DMD: variants seen among roughly 807,000 people sequenced by gnomAD.
DMD encodes the protein mutant dystrophin.
DMD carries 63 observed loss-of-function variants against 330.1 expected under a neutral mutation model. The ratio of observed to expected loss-of-function variants is 0.19; its 90% CI spans 0.16 to 0.24. DMD has a LOEUF of 0.24. Among genes scored for constraint, DMD ranks in the 10% least tolerant of loss-of-function variants. The pLI is 1.00. For synonymous variants in DMD, 1,223 were observed against 959.8 expected (o/e 1.27, Z -5.07); for missense variants, 3,344 against 2,684.1 (o/e 1.25, Z -5.43).
intron 17 of DMD, among the ~76,000 whole-genome samples, chrX:32,525,248 T>C (rs763811577): frequency 8.9e-6 from 1 of 112,152 alleles, no homozygotes; most frequent in African/African-American, 3.2e-5. Context: ...ACACATAATG[T>C]GCAGTCAGCC....
At chrX:31,846,470 C>CAA (rs1353347001) in intron 48 of DMD, among the ~76,000 whole-genome samples, 1 of 103,370 alleles carries the variant, frequency 9.7e-6, no homozygotes, top group Admixed American at 1.0e-4. Flanking sequence ...CACACACACA[C>CAA]AATCTTTAAG....
At chrX:31,878,109 G>A (rs1289010883) in intron 47 of DMD, among the ~76,000 whole-genome samples, 2 of 111,575 alleles carry the variant, frequency 1.8e-5, no homozygotes, top group Admixed American at 1.9e-4. Flanking sequence ...TTGTAATAGA[G>A]GTAAAACAAT....
At chrX:32,388,637 T>A (rs2097977866) in intron 32 of DMD, among the ~76,000 whole-genome samples, 1 of 110,920 alleles carries the variant, frequency 9.0e-6, no homozygotes, top group African/African-American at 3.3e-5. Context: ...TGAAGGACTC[T>A]GTTTTTCATT....
chrX:32,633,718 G>A (rs2058901103), intron 11 of DMD, among the ~76,000 whole-genome samples: 1 of 111,826 alleles, frequency 8.9e-6, no homozygotes, highest in Admixed American at 9.5e-5. Flanking sequence ...GCTGGCATCT[G>A]CTCAGCTGCT....
intron 17 of DMD, among the ~76,000 whole-genome samples, chrX:32,537,566 G>C (rs2048102729): frequency 9.0e-6 from 1 of 111,233 alleles, no homozygotes. Flanking sequence ...GAAAAGAACT[G>C]AAGAGTGACC....
At chrX:32,035,879 G>T (rs776972014) in intron 44 of DMD, among the ~76,000 whole-genome samples, 69 of 111,714 alleles carry the variant, frequency 6.2e-4, no homozygotes, top group Non-Finnish European at 1.3e-4. Flanking sequence ...CTGATTCCGG[G>T]AATTGTACAG....
chrX:31,745,868 C>T (rs1298008748), intron 51 of DMD, among the ~76,000 whole-genome samples: 2 of 111,192 alleles, frequency 1.8e-5, no homozygotes, highest in Non-Finnish European at 3.8e-5. Flanking sequence ...TCTGGAAATA[C>T]AACTTCAAGG....
chrX:31,582,077 C>T (rs1158879170), intron 55 of DMD, among the ~76,000 whole-genome samples: 1 of 111,115 alleles, frequency 9.0e-6, no homozygotes, highest in Non-Finnish European at 1.9e-5. Context: ...ACATTGTGCA[C>T]ATGTACCCTA....
intron 43 of DMD, among the ~76,000 whole-genome samples, chrX:32,271,483 G>A (rs897687588): frequency 1.8e-5 from 2 of 112,677 alleles, no homozygotes; most frequent in African/African-American, 6.4e-5. Context: ...GACTATCCAC[G>A]GATAAACTAA....
intron 17 of DMD, among the ~76,000 whole-genome samples, chrX:32,535,712 C>A (rs1011485611): frequency 8.9e-5 from 10 of 111,747 alleles, no homozygotes; most frequent in Admixed American, 1.9e-4. Flanking sequence ...TAGCCAATTC[C>A]TTATATTACG....
At chrX:32,952,236 C>T (rs916825831) in intron 2 of DMD, among the ~76,000 whole-genome samples, 2 of 109,798 alleles carry the variant, frequency 1.8e-5, no homozygotes, top group East Asian at 5.7e-4. Context: ...TGGGTTCAAG[C>T]GATTCTCCCG....
At chrX:31,172,300 G>T (rs1352781567) in intron 73 of DMD, 48 bp downstream of exon 73, 6 of 935,584 alleles carry the variant, frequency 6.4e-6, no homozygotes, top group Non-Finnish European at 7.7e-6. Flanking sequence ...ATCCCTCAAA[G>T]CAATTTCATT....
chrX:32,649,311 T>C (rs1016649070), intron 9 of DMD, among the ~76,000 whole-genome samples: 2 of 108,624 alleles, frequency 1.8e-5, no homozygotes, highest in African/African-American at 6.7e-5. Flanking sequence ...TCCCAGCACT[T>C]TGGGAGGCTG....
chrX:32,384,100 CA>C (rs2097942538), intron 33 of DMD, among the ~76,000 whole-genome samples: 1 of 110,201 alleles, frequency 9.1e-6, no homozygotes, highest in African/African-American at 3.3e-5. Flanking sequence ...AACATACATT[CA>C]TTTTATTAAT....
At chrX:32,463,374 G>C (rs912281530) in intron 25 of DMD, 65 bp downstream of exon 25, 1 of 1,042,740 alleles carries the variant, frequency 9.6e-7, no homozygotes, top group African/African-American at 1.9e-5. Context: ...AACGGTGAAG[G>C]GAGACATTAG....
chrX:32,813,785 A>G (rs1265091996), intron 6 of DMD, among the ~76,000 whole-genome samples: 3 of 111,514 alleles, frequency 2.7e-5, no homozygotes, highest in African/African-American at 9.8e-5. Flanking sequence ...CGTTTTTCAT[A>G]TTGGTCAAAA....
At chrX:32,708,732 T>C (rs999010268) in intron 7 of DMD, among the ~76,000 whole-genome samples, 12 of 111,199 alleles carry the variant, frequency 1.1e-4, no homozygotes, top group African/African-American at 3.6e-4. Flanking sequence ...GAGTGGACCA[T>C]TGGACAAACC....
chrX:32,370,831 T>C (rs2097873653), intron 34 of DMD, among the ~76,000 whole-genome samples: 1 of 111,493 alleles, frequency 9.0e-6, no homozygotes, highest in African/African-American at 3.2e-5. Flanking sequence ...ACCAGATCTC[T>C]TTAAACTGTG....
At chrX:32,336,070 T>C (rs2097713035) in intron 41 of DMD, among the ~76,000 whole-genome samples, 1 of 106,494 alleles carries the variant, frequency 9.4e-6, no homozygotes, top group Non-Finnish European at 1.9e-5. Context: ...ATATAACGTG[T>C]GTATAACATG....
Sources: allele counts gnomAD v4.1 joint callset (sites outside exome capture counted in the v4.1 genomes callset), GRCh38; gene constraint gnomAD v4.1.1; transcripts MANE v1.5; gene names NCBI Gene and HGNC (gene_info 2026-07-23, HGNC 2026-07-21).